The following SLC37A3 variants were observed in gnomAD, a reference collection of about 807,000 sequenced individuals.
The protein encoded by SLC37A3 is sugar phosphate exchanger 3.
SLC37A3 carries 51 observed loss-of-function variants against 67.1 expected under a neutral mutation model. That is an observed-to-expected ratio of 0.76 (90% CI 0.61 to 0.96). SLC37A3 has a LOEUF of 0.96. Ranked by LOEUF, SLC37A3 falls within the 40% of genes least tolerant of loss-of-function variation. The pLI is 0.00. For missense variants in SLC37A3, 508 were observed against 603.0 expected, an observed-to-expected ratio of 0.84 and a Z score of 1.65; for synonymous variants, 214 against 231.4, an observed-to-expected ratio of 0.92 and a Z score of 0.68.
chr7:140,355,863 A>AC, intron 6 of SLC37A3, 99 bp from the exon 7 acceptor site: 2 of 950,686 alleles, frequency 2.1e-6, no homozygotes, highest in Non-Finnish European at 3.3e-6. Flanking sequence ...GGTGCATACT[A>AC]CCAAGACTAA....
intron 6 of SLC37A3, among the ~76,000 whole-genome samples, chr7:140,356,528 A>G (rs1208872961): frequency 5.3e-5 from 8 of 151,982 alleles, no homozygotes. Flanking sequence ...CTAAAAATAC[A>G]AAAATTAGCT....
chr7:140,365,776 A>G (rs1317322214), intron 4 of SLC37A3, among the ~76,000 whole-genome samples: 1 of 152,072 alleles, frequency 6.6e-6, no homozygotes, highest in East Asian at 1.9e-4. Flanking sequence ...CATTATCATC[A>G]AGCTTCCTCA....
At chr7:140,352,532 A>G (rs1437050934) in intron 7 of SLC37A3, among the ~76,000 whole-genome samples, 2 of 152,194 alleles carry the variant, frequency 1.3e-5, no homozygotes, top group Non-Finnish European at 2.9e-5. Context: ...ATGAAACAAT[A>G]TTATAAAGCA....
rs752653833 is a variant in SLC37A3, at chr7:140,351,348, G to A, written c.807C>T (p.Ile269=). Residue 269 remains isoleucine (I), a synonymous_variant, in exon 9 of 15, where the codon ATC becomes ATT. Transcript: ENST00000326232. ...CTTGGGCAACAGAACTATCATCTTG[G>A]ATTGAATAATTCGGCTCATATTCGT... ...NEDEYEPNYS[I]QDDSSVAQVK... is the part of the protein sequence containing the mutation. The A allele has an allele frequency of 1.2e-6, 2 of 1,614,110 alleles. No individual in the cohort carries two copies. Among genetic ancestry groups the A allele is most frequent in the Non-Finnish European group, 1.7e-6 (2 of 1,180,008 alleles).
chr7:140,340,083 C>T (rs1474976801), intron 13 of SLC37A3, among the ~76,000 whole-genome samples: 1 of 152,182 alleles, frequency 6.6e-6, no homozygotes, highest in Non-Finnish European at 1.5e-5. Context: ...CATGAAGTCA[C>T]AGCTCACTGT....
At chr7:140,374,735 TAC>T (rs1797957129) in intron 3 of SLC37A3, among the ~76,000 whole-genome samples, 2 of 151,822 alleles carry the variant, frequency 1.3e-5, no homozygotes, top group Admixed American at 1.3e-4. Context: ...AGTGCCAGAG[TAC>T]AGTGTCTGAG....
At chr7:140,392,316 G>T (rs1339529862) in intron 1 of SLC37A3, among the ~76,000 whole-genome samples, 1 of 152,106 alleles carries the variant, frequency 6.6e-6, no homozygotes, top group Admixed American at 6.5e-5. Context: ...GTCAACCAAG[G>T]TAACTATGAG....
chr7:140,375,474 CA>C (rs11292852), intron 3 of SLC37A3, among the ~76,000 whole-genome samples: 94,086 of 139,838 alleles, frequency 0.67, 30,495 homozygotes, highest in East Asian at 0.86. Flanking sequence ...GACTCCGTCT[CA>C]AAAAAAAAAA....
chr7:140,372,101 C>T (rs1233054979), intron 3 of SLC37A3, among the ~76,000 whole-genome samples: 4 of 152,178 alleles, frequency 2.6e-5, no homozygotes, highest in Non-Finnish European at 5.9e-5. Context: ...CCACCTGCCT[C>T]GGCCTCCCAA....
At position 140,355,854 on chromosome 7, in the gene SLC37A3, G is replaced by A. The variant is rs1797005423; in HGVS notation, c.522-90C>T. On this transcript the variant is annotated intron_variant, in intron 6 of 14. Transcript: ENST00000326232. ...ATACAAAACAGCCAAAACAACCAAG[G>A]TGCATACTACCAAGACTAAACATGC... 7 of 1,050,228 alleles carry A rather than the reference G, an allele frequency of 6.7e-6. No individual in the cohort carries two copies. The East Asian group carries it at 1.2e-4, about 18-fold the overall frequency. 65.1% of individuals were successfully genotyped at this position (1,050,228 alleles called of 1,614,324 possible).
At chr7:140,350,972 ACTGTCC>A (rs1796769764) in intron 9 of SLC37A3, among the ~76,000 whole-genome samples, 1 of 152,138 alleles carries the variant, frequency 6.6e-6, no homozygotes, top group Non-Finnish European at 1.5e-5. Flanking sequence ...GCCACGTCTA[ACTGTCC>A]CATGTTTTCT....
intron 3 of SLC37A3, among the ~76,000 whole-genome samples, chr7:140,378,970 C>G (rs943718711): frequency 7.2e-5 from 11 of 151,804 alleles, no homozygotes; most frequent in African/African-American, 9.7e-5. Flanking sequence ...TCGCTTGATC[C>G]CAGGAGGTGG....
intron 7 of SLC37A3, among the ~76,000 whole-genome samples, chr7:140,354,441 T>C (rs11764502): frequency 0.13 from 20,419 of 152,154 alleles, 1,666 homozygotes; most frequent in South Asian, 0.24. Flanking sequence ...TCTTCCTTTT[T>C]TTTTTTTAAA....
In SLC37A3 at chr7:140,337,525, TTAAGCATGCAGAGTCCAAA is replaced by T. The variant is rs1318997066; in HGVS notation, c.1327-195_1327-177del. The stretch of plus-strand genomic sequence containing the variant: ...GTGCCTGCTGTGATTAATGGCCCAT[TTAAGCATGCAGAGTCCAAA>T]TGGAAAAACCGTATAATAGAAGTTG... On this transcript the variant is annotated intron_variant, in intron 13 of 14. Transcript: ENST00000326232. The T allele has an allele frequency of 3.8e-4, 177 of 460,820 alleles. 1 individual carries two copies. The South Asian group carries it at 7.9e-3, about 21-fold the overall frequency. The allele number at this position is 460,820 out of a possible 1,614,324, so 28.5% of individuals were successfully genotyped here.
In SLC37A3 at chr7:140,345,825, G is replaced by A. The variant is rs781535106; in HGVS notation, c.1126+44C>T. On this transcript the variant is annotated intron_variant, in intron 11 of 14. Coordinates refer to ENST00000326232, the MANE Select transcript of SLC37A3 (RefSeq NM_207113.3). ...CCAAACAAATGCCTTATTCCAACCA[G>A]ATTAGGGGAGCAAAGGAATTAGTAA... 3.4e-6 allele frequency: 5 copies of A among 1,471,534 alleles called. No homozygotes were observed. In the African/African-American group the frequency reaches 6.9e-5, roughly 20 times the overall value. 91.2% of individuals were successfully genotyped at this position (1,471,534 alleles called of 1,614,324 possible).
intron 13 of SLC37A3, among the ~76,000 whole-genome samples, chr7:140,340,689 G>A (rs1796326924): frequency 6.6e-6 from 1 of 151,650 alleles, no homozygotes; most frequent in South Asian, 2.1e-4. Context: ...AGCACTTTGG[G>A]AGGCTGAGGC....
At chr7:140,361,611 C>T (rs1475770925) in intron 5 of SLC37A3, among the ~76,000 whole-genome samples, 2 of 147,466 alleles carry the variant, frequency 1.4e-5, no homozygotes, top group Non-Finnish European at 3.0e-5. Flanking sequence ...CAAAGCTGGA[C>T]GGTACTGCTG....
intron 10 of SLC37A3, 163 bp downstream of exon 10, chr7:140,348,457 CTTTTCT>C (rs1489934194): frequency 1.2e-3 from 774 of 634,146 alleles, no homozygotes; most frequent in East Asian, 4.8e-3. Flanking sequence ...CTTTTCTTTT[CTTTTCT>C]TTTTTTTTTT....
chr7:140,396,886 T>G (rs1269267908), intron 1 of SLC37A3, among the ~76,000 whole-genome samples: 6 of 73,930 alleles, frequency 8.1e-5, no homozygotes, highest in African/African-American at 2.4e-4. Flanking sequence ...ATTTCTGTTT[T>G]TTTTTTTGTT....
Sources: gnomAD v4.1 joint callset for allele counts (sites outside exome capture counted in the v4.1 genomes callset) on GRCh38, gnomAD v4.1.1 for gene constraint, MANE v1.5 for transcripts, NCBI Gene and HGNC (gene_info 2026-07-23, HGNC 2026-07-21) for gene names.